FBXO17: variants seen among roughly 807,000 people sequenced by gnomAD.
The protein encoded by FBXO17 is F-box protein 17, also known as F-box only protein 17.
In FBXO17, 43 loss-of-function variants were observed where a neutral mutation model predicts 34.1. The observed-to-expected ratio is 1.26, with a 90% CI of 0.99 to 1.62. FBXO17 has a LOEUF of 1.62. FBXO17 is among the 40% of genes most tolerant of loss of function. FBXO17 has a pLI of 0.00. For synonymous variants in FBXO17, 169 were observed against 166.0 expected, an observed-to-expected ratio of 1.02 and a Z score of -0.14; for missense variants, 424 against 386.7, an observed-to-expected ratio of 1.10 and a Z score of -0.81.
rs1156622617 is a variant in FBXO17, at chr19:38,950,448, T to C, written c.-17-112A>G. On this transcript the variant is annotated intron_variant, in intron 1 of 5. Transcript: ENST00000292852. ...TGCTCGAGAGACCCCATTAGGTCCATGGGCAACCAGGGACCCATTTCCCTC... is the reference window on the plus strand; with the variant it reads ...TGCTCGAGAGACCCCATTAGGTCCACGGGCAACCAGGGACCCATTTCCCTC... The C allele has an allele frequency of 6.0e-6, 8 of 1,328,616 alleles. No homozygotes were observed. In the South Asian group the frequency reaches 7.2e-5, roughly 12 times the overall value. The allele number at this position is 1,328,616 out of a possible 1,614,324, so 82.3% of individuals were successfully genotyped here.
At chr19:38,944,935 G>A (rs1373916361) in intron 5 of FBXO17, 34 bp downstream of exon 5, 4 of 1,612,530 alleles carry the variant, frequency 2.5e-6, no homozygotes, top group Non-Finnish European at 3.4e-6. Context: ...GCCTTTAGCG[G>A]GTCGGGGGGA....
chr19:38,944,980 C>CA lies in FBXO17; in HGVS notation c.681_682insT (p.Gly228TrpfsTer22). On this transcript the variant is annotated frameshift_variant, in exon 5 of 6. Transcript: ENST00000292852. LOFTEE classifies it high-confidence loss of function. ...TAGTCTGGACCCACCTGTCGGCAGC[C>CA]CCTCTCAGTCCACTGAAGGACCGGG... is the stretch of plus-strand genomic sequence containing the variant. 1.2e-6 allele frequency: 2 copies of CA among 1,614,156 alleles called. No individual in the cohort carries two copies. Among genetic ancestry groups the CA allele is most frequent in the Non-Finnish European group, 1.7e-6 (2 of 1,180,030 alleles).
chr19:38,949,788 C>G, intron 2 of FBXO17, 183 bp downstream of exon 2: 1 of 744,914 alleles, frequency 1.3e-6, no homozygotes, highest in African/African-American at 1.9e-5. Context: ...GGATTCCCGG[C>G]TTCACCTTCT....
In FBXO17 at chr19:38,961,313, T is replaced by A. The variant is rs201556436; in HGVS notation, c.-17-10977A>T. Among the ~76,000 whole-genome samples the A allele has an allele frequency of 2.2e-4, 33 of 149,928 alleles. 1 individual carries two copies. Among genetic ancestry groups the A allele is most frequent in the Admixed American group, 8.7e-4 (13 of 14,984 alleles). ...TTTTTTGAGATGGCGTCTTACTCTG[T>A]CACCCAGGCTGGAGTGCAGTAGCAT... On this transcript the variant is annotated intron_variant, in intron 1 of 5. Transcript: ENST00000292852.
chr19:38,950,307 G>T lies in FBXO17; in HGVS notation c.13C>A (p.Leu5Ile). MGAR[L>I]SRRRLPADPS... is the part of the protein sequence containing the mutation. Reference sequence around the variant, plus strand: ...TCCGCCGGCAGCCGTCGCCGCGATAGCCGGGCGCCCATCTCCAGTAGCCAG... The same window carrying T: ...TCCGCCGGCAGCCGTCGCCGCGATATCCGGGCGCCCATCTCCAGTAGCCAG... Residue 5 changes from leucine to isoleucine, a missense_variant, in exon 2 of 6, where the codon CTA becomes ATA. By Grantham distance (5) the Leu-to-Ile change is conservative. Transcript: ENST00000292852. The T allele has an allele frequency of 7.0e-7, 1 of 1,431,926 alleles. No homozygotes were observed. Among genetic ancestry groups the T allele is most frequent in the Non-Finnish European group, 9.1e-7 (1 of 1,101,918 alleles). The allele number at this position is 1,431,926 out of a possible 1,614,324, so 88.7% of individuals were successfully genotyped here.
chr19:38,963,327 C>A (rs925169393), intron 1 of FBXO17, among the ~76,000 whole-genome samples: 2 of 150,752 alleles, frequency 1.3e-5, no homozygotes, highest in African/African-American at 4.9e-5. Flanking sequence ...CAGGGTCTCA[C>A]TCTGTTGCCC....
At chr19:38,956,523 A>G (rs1568442403) in intron 1 of FBXO17, among the ~76,000 whole-genome samples, 1 of 152,196 alleles carries the variant, frequency 6.6e-6, no homozygotes, top group Non-Finnish European at 1.5e-5. Flanking sequence ...TCCAGCTTAA[A>G]TGCTCAGCAC....
chr19:38,950,558 C>T (rs1047250191), intron 1 of FBXO17, among the ~76,000 whole-genome samples: 3 of 152,224 alleles, frequency 2.0e-5, no homozygotes, highest in African/African-American at 7.2e-5. Context: ...CCGCTGATCA[C>T]GGCTTCCGTC....
Position 38,942,589 on chromosome 19 carries a change from T to C in FBXO17, c.*19A>G, listed in dbSNP as rs1974905691. ...GCAAGGCTGGTCTTGACTGACAACGTCAGGCAGTAGTCCAGTCGCTAGGAC... is the reference window on the plus strand; with the variant it reads ...GCAAGGCTGGTCTTGACTGACAACGCCAGGCAGTAGTCCAGTCGCTAGGAC... On this transcript the variant is annotated 3_prime_UTR_variant, in exon 6 of 6. Coordinates refer to ENST00000292852, the MANE Select transcript of FBXO17 (RefSeq NM_024907.7). 1 of 1,530,116 alleles carries C rather than the reference T, an allele frequency of 6.5e-7. No homozygotes were observed. Among genetic ancestry groups the C allele is most frequent in the Non-Finnish European group, 8.7e-7 (1 of 1,143,200 alleles). 94.8% of individuals were successfully genotyped at this position (1,530,116 alleles called of 1,614,324 possible).
At chr19:38,972,211 T>C (rs1975399030) in intron 1 of FBXO17, among the ~76,000 whole-genome samples, 1 of 152,074 alleles carries the variant, frequency 6.6e-6, no homozygotes, top group Non-Finnish European at 1.5e-5. Flanking sequence ...TTTTATAAGC[T>C]GGGACCAAGG....
intron 1 of FBXO17, among the ~76,000 whole-genome samples, chr19:38,951,196 C>T (rs1170971787): frequency 6.6e-6 from 1 of 151,962 alleles, no homozygotes; most frequent in African/African-American, 2.4e-5. Flanking sequence ...TGGTCACCTC[C>T]TTATTTTTAT....
intron 1 of FBXO17, among the ~76,000 whole-genome samples, chr19:38,954,894 T>TC (rs1975141984): frequency 7.9e-5 from 9 of 113,406 alleles, no homozygotes; most frequent in African/African-American, 3.2e-4. Context: ...CAATGTGTTA[T>TC]TTTATTATTA....
Position 38,946,380 on chromosome 19 carries a change from C to T in FBXO17, c.557+92G>A, listed in dbSNP as rs1032603139. On this transcript the variant is annotated intron_variant, in intron 4 of 5. Coordinates refer to ENST00000292852, the MANE Select transcript of FBXO17 (RefSeq NM_024907.7). ...AGGGTGCACAGTGACAGCCGCTACCCGTGGGGTTGATGGGGCGGGAAATGA... is the reference window on the plus strand; with the variant it reads ...AGGGTGCACAGTGACAGCCGCTACCTGTGGGGTTGATGGGGCGGGAAATGA... 38 of 1,578,838 alleles carry T rather than the reference C, an allele frequency of 2.4e-5. No individual in the cohort carries two copies. The Admixed American group carries it at 3.0e-4, about 13-fold the overall frequency.
rs1421573870 is a variant in FBXO17, at chr19:38,970,758, T to C, written c.-18+4828A>G. On this transcript the variant is annotated intron_variant, in intron 1 of 5. Transcript: ENST00000292852. ...TTACACAAATGCTCCTCAGCCCTAC[T>C]AGGGGACTTATGTAACATACCAAAT... Among the ~76,000 whole-genome samples the C allele has an allele frequency of 2.6e-5, 4 of 152,064 alleles. No individual in the cohort carries two copies. The East Asian group carries it at 5.8e-4, about 22-fold the overall frequency.
chr19:38,944,970 T>G lies in FBXO17; in HGVS notation c.692A>C (p.Gln231Pro). Residue 231 changes from glutamine (Q) to proline (P), a missense_variant and splice_region_variant, in exon 5 of 6, where the codon CAG becomes CCG. Gln to Pro is a moderately conservative substitution (Grantham distance 76). Coordinates refer to ENST00000292852, the MANE Select transcript of FBXO17 (RefSeq NM_024907.7). ...AGCTGGAAGCTAGTCTGGACCCACC[T>G]GTCGGCAGCCCCTCTCAGTCCACTG... ...VLQWTERGCR[Q>P]VSHVFTNFGK... is the part of the protein sequence containing the mutation. 1.2e-6 allele frequency: 2 copies of G among 1,614,166 alleles called. No homozygotes were observed. The highest frequency in any genetic ancestry group is 2.2e-5 in the East Asian group (1 of 44,876).
At chr19:38,972,743 T>C (rs542331609) in intron 1 of FBXO17, among the ~76,000 whole-genome samples, 13 of 152,272 alleles carry the variant, frequency 8.5e-5, no homozygotes, top group Admixed American at 8.5e-4. Flanking sequence ...ATCTGCTCCA[T>C]ATTTTGCCAT....
chr19:38,950,500 C>T (rs1975067419), intron 1 of FBXO17, among the ~76,000 whole-genome samples, 164 bp from the exon 2 acceptor site: 1 of 152,232 alleles, frequency 6.6e-6, no homozygotes, highest in Non-Finnish European at 1.5e-5. Context: ...TCCCAATCTT[C>T]CCCACTTGGG....
chr19:38,955,030 A>G (rs911019659), intron 1 of FBXO17, among the ~76,000 whole-genome samples: 1 of 150,928 alleles, frequency 6.6e-6, no homozygotes, highest in African/African-American at 2.4e-5. Context: ...TCCTGGGTTC[A>G]CGCCATTCTC....
intron 1 of FBXO17, among the ~76,000 whole-genome samples, chr19:38,953,122 C>T (rs1397505786): frequency 2.0e-5 from 3 of 151,400 alleles, no homozygotes; most frequent in South Asian, 4.2e-4. Flanking sequence ...GGCAACACAG[C>T]GATACTCCAC....
Sources: gnomAD v4.1 joint callset for allele counts (sites outside exome capture counted in the v4.1 genomes callset) on GRCh38, gnomAD v4.1.1 for gene constraint, MANE v1.5 for transcripts, NCBI Gene and HGNC (gene_info 2026-07-23, HGNC 2026-07-21) for gene names.